Variants in JPH4 observed in about 807,000 individuals in gnomAD.
The protein encoded by JPH4 is junctophilin 4, also known as junctophilin-4.
A neutral mutation model predicts 57.6 loss-of-function variants in JPH4; 18 were observed. The ratio of observed to expected loss-of-function variants is 0.31; its 90% CI spans 0.22 to 0.46. The LOEUF is 0.46. Among genes scored for constraint, JPH4 ranks in the 20% least tolerant of loss-of-function variants. The pLI is 1.00. For synonymous variants in JPH4, 425 were observed against 406.6 expected (o/e 1.05, Z -0.54); for missense variants, 727 against 911.1 (o/e 0.80, Z 2.60).
Position 23,576,115 on chromosome 14 carries a change from G to T in JPH4, c.721C>A (p.Arg241=), listed in dbSNP as rs759340818. The T allele has an allele frequency of 2.4e-5, 31 of 1,301,110 alleles. No homozygotes were observed. The South Asian group carries it at 7.1e-4, about 30-fold the overall frequency. The allele number at this position is 1,301,110 out of a possible 1,614,324, so 80.6% of individuals were successfully genotyped here. ...GGRRSSLGSK[R]GSLRSEVSSE... is the part of the protein sequence containing the mutation. ...CTCACCTCGCTGCGCAGGGAGCCTC[G>T]CTTGCTGCCCAGGGAGCTGCGACGT... The change falls in exon 3 of 6, where the codon CGA becomes AGA. Residue 241 remains arginine (R), a synonymous_variant. Transcript: ENST00000356300. This position sits in a 1 kb window ranked among gnomAD's most constrained non-coding sequence, Gnocchi z 8.0.
At chr14:23,570,393 AC>A (rs1889089665) in intron 5 of JPH4, among the ~76,000 whole-genome samples, 1 of 121,282 alleles carries the variant, frequency 8.2e-6, no homozygotes, top group Non-Finnish European at 1.7e-5. Flanking sequence ...TTTTTTTGAG[AC>A]AGAGTCTCGC....
chr14:23,571,946 A>G lies in JPH4; in HGVS notation c.1152-26T>C, dbSNP rs1454673906. 8 of 1,600,766 alleles carry G rather than the reference A, an allele frequency of 5.0e-6. No homozygotes were observed. The highest frequency in any genetic ancestry group is 6.8e-6 in the Non-Finnish European group (8 of 1,173,366). On this transcript the variant is annotated intron_variant, in intron 3 of 5. Transcript: ENST00000356300. This position sits in a 1 kb window ranked among gnomAD's most constrained non-coding sequence, Gnocchi z 4.6. Reference sequence around the variant, plus strand: ...CTGTCGGGTCCAGAGACAGGGATTTAGCAGAACTTCCCCCACTTCAAGTTA... The same window carrying G: ...CTGTCGGGTCCAGAGACAGGGATTTGGCAGAACTTCCCCCACTTCAAGTTA...
Position 23,569,545 on chromosome 14 carries a change from C to T in JPH4, c.*89G>A. On this transcript the variant is annotated 3_prime_UTR_variant, in exon 6 of 6. Coordinates refer to ENST00000356300, the MANE Select transcript of JPH4 (RefSeq NM_001146028.2). The surrounding 1 kb of genome is among the most constrained non-coding windows in gnomAD (Gnocchi z 4.8). ...GAAGAGAAAGAAAGATAGGAGAAAA[C>T]ACAGCCAGGAAGAGGAGAAGAGAAA... 1.2e-6 allele frequency: 1 copy of T among 844,454 alleles called. No homozygotes were observed. Among genetic ancestry groups the T allele is most frequent in the Non-Finnish European group, 2.0e-6 (1 of 503,730 alleles). 52.3% of individuals were successfully genotyped at this position (844,454 alleles called of 1,614,324 possible).
At position 23,571,426 on chromosome 14, in the gene JPH4, G is replaced by A; in HGVS notation, c.1305C>T (p.Asp435=). 3 of 1,599,510 alleles carry A rather than the reference G, an allele frequency of 1.9e-6. No homozygotes were observed. The highest frequency in any genetic ancestry group is 1.7e-6 in the Non-Finnish European group (2 of 1,179,780). The change falls in exon 5 of 6, where the codon GAC becomes GAT. Residue 435 remains aspartate (D), a synonymous_variant. Transcript: ENST00000356300. This position sits in a 1 kb window ranked among gnomAD's most constrained non-coding sequence, Gnocchi z 4.6. ...RRPRQDSEGS[D]TEPLDEDSPG... ...GGCTGTCCTCATCCAGGGGCTCCGT[G>A]TCGGAACCTTCTGAGTCCTGCCTGG...
rs1889326268 is a variant in JPH4 at position 23,578,263 on chromosome 14, A to G, written c.-255T>C. 2 of 151,246 alleles carry G rather than the reference A, an allele frequency of 1.3e-5. No homozygotes were observed. Among genetic ancestry groups the G allele is most frequent in the African/African-American group, 2.4e-5 (1 of 40,878 alleles). 9.4% of individuals were successfully genotyped at this position (151,246 alleles called of 1,614,324 possible). A position where few individuals can be genotyped will look rare whatever the true frequency, so the allele number is the denominator to read the frequency against. On this transcript the variant is annotated 5_prime_UTR_variant, in exon 1 of 6. Transcript: ENST00000356300. ...ACTCCCACCTCGCCCGGACAAGCCA[A>G]GCCCCCTCCCCTTCCGGAGAGACTG...
chr14:23,574,201 G>A (rs373607943), intron 3 of JPH4, among the ~76,000 whole-genome samples: 6 of 147,124 alleles, frequency 4.1e-5, no homozygotes, highest in South Asian at 2.1e-4. Context: ...TTAGACTGGC[G>A]TTCACTTTTC....
intron 3 of JPH4, among the ~76,000 whole-genome samples, chr14:23,573,452 G>A (rs924047949): frequency 2.6e-5 from 4 of 152,218 alleles, no homozygotes; most frequent in Non-Finnish European, 4.4e-5. Context: ...CTGTTGAGCC[G>A]TGAGCGTGAG....
rs1595393805 is a variant in JPH4 at position 23,572,070 on chromosome 14, G to C, written c.1152-150C>G. 7 of 721,858 alleles carry C rather than the reference G, an allele frequency of 9.7e-6. No homozygotes were observed. The East Asian group carries it at 1.9e-4, about 20-fold the overall frequency. 44.7% of individuals were successfully genotyped at this position (721,858 alleles called of 1,614,324 possible). On this transcript the variant is annotated intron_variant, in intron 3 of 5. Transcript: ENST00000356300. The stretch of plus-strand genomic sequence containing the variant: ...CACCCTTCGCCACACTCTGCCAGCT[G>C]CTTCCCTTCCTGGCAGGCCAGGGCA...
chr14:23,572,269 A>G (rs536381976), intron 3 of JPH4, among the ~76,000 whole-genome samples: 7 of 151,992 alleles, frequency 4.6e-5, no homozygotes, highest in African/African-American at 1.7e-4. Flanking sequence ...CTTCCCAGTG[A>G]CAGTCGAGAC....
In JPH4 at chr14:23,577,762, C is replaced by T. The variant is rs570491390; in HGVS notation, c.-171-138G>A. ...TCCTTTGGCAGCATCTTCCAGCAGC[C>T]CCCAAGCTTTGGGGGAATGGGGGCT... is the stretch of plus-strand genomic sequence containing the variant. On this transcript the variant is annotated intron_variant, in intron 1 of 5. Transcript: ENST00000356300. The surrounding 1 kb of genome is among the most constrained non-coding windows in gnomAD (Gnocchi z 8.4). 187 of 273,106 alleles carry T rather than the reference C, an allele frequency of 6.8e-4. No homozygotes were observed. The highest frequency in any genetic ancestry group is 3.9e-3 in the African/African-American group (177 of 45,614). 16.9% of individuals were successfully genotyped at this position (273,106 alleles called of 1,614,324 possible).
Position 23,571,098 on chromosome 14 carries a change from CCT to C in JPH4, c.1631_1632del (p.Glu544GlyfsTer6). 1 of 1,614,038 alleles carries C rather than the reference CCT, an allele frequency of 6.2e-7. No homozygotes were observed. Among genetic ancestry groups the C allele is most frequent in the Non-Finnish European group, 8.5e-7 (1 of 1,179,938 alleles). ...AGGGGCTCTTCATCCTCCCCCTCCT[CCT>C]CTCGAAGACTTCCTGAACTGTCGCT... ...GCSDSSGSLREEEGEDEEPLP... is the reference protein window; with the variant it reads ...GCSDSSGSLRXEEGEDEEPLP... On this transcript the variant is annotated frameshift_variant, in exon 5 of 6. Transcript: ENST00000356300. LOFTEE classifies it high-confidence loss of function. This position sits in a 1 kb window ranked among gnomAD's most constrained non-coding sequence, Gnocchi z 4.6.
chr14:23,568,899 C>G lies in JPH4; in HGVS notation c.*735G>C. ...ATATTCTCTGTTCCTTTACACGTTG[C>G]TCTTGGCATGGCATGCCACCAGAGG... On this transcript the variant is annotated 3_prime_UTR_variant, in exon 6 of 6. Coordinates refer to ENST00000356300, the MANE Select transcript of JPH4 (RefSeq NM_001146028.2). 2 of 765,310 alleles carry G rather than the reference C, an allele frequency of 2.6e-6. No homozygotes were observed. The highest frequency in any genetic ancestry group is 3.2e-6 in the Non-Finnish European group (2 of 628,810). The allele number at this position is 765,310 out of a possible 1,614,324, so 47.4% of individuals were successfully genotyped here.
chr14:23,576,626 G>T lies in JPH4; in HGVS notation c.380-170C>A, dbSNP rs1364824220. ...AGCCGGGAACAGGCCAGGCTGGGCCGGAAAGTGTGGGAGAGCAGAGTGAAG... is the reference window on the plus strand; with the variant it reads ...AGCCGGGAACAGGCCAGGCTGGGCCTGAAAGTGTGGGAGAGCAGAGTGAAG... On this transcript the variant is annotated intron_variant, in intron 2 of 5. Coordinates refer to ENST00000356300, the MANE Select transcript of JPH4 (RefSeq NM_001146028.2). The surrounding 1 kb of genome is among the most constrained non-coding windows in gnomAD (Gnocchi z 8.0). Among the ~76,000 whole-genome samples the T allele has an allele frequency of 6.6e-6, 1 of 152,194 alleles. No individual in the cohort carries two copies. Among genetic ancestry groups the T allele is most frequent in the East Asian group, 1.9e-4 (1 of 5,176 alleles).
In JPH4 at chr14:23,577,576, G is replaced by T. The variant is rs889511824; in HGVS notation, c.-123C>A. 1 of 794,084 alleles carries T rather than the reference G, an allele frequency of 1.3e-6. No homozygotes were observed. The highest frequency in any genetic ancestry group is 3.4e-5 in the East Asian group (1 of 29,692). The allele number at this position is 794,084 out of a possible 1,614,324, so 49.2% of individuals were successfully genotyped here. A position where few individuals can be genotyped will look rare whatever the true frequency, so the allele number is the denominator to read the frequency against. ...GGGGGCAGTTAGACCGGGGCCGGGCGGGGGGGCCCCAGCGAGGGCAGGCAG... is the reference window on the plus strand; with the variant it reads ...GGGGGCAGTTAGACCGGGGCCGGGCTGGGGGGCCCCAGCGAGGGCAGGCAG... On this transcript the variant is annotated 5_prime_UTR_variant, in exon 2 of 6. Coordinates refer to ENST00000356300, the MANE Select transcript of JPH4 (RefSeq NM_001146028.2). This position sits in a 1 kb window ranked among gnomAD's most constrained non-coding sequence, Gnocchi z 8.4.
In JPH4 at chr14:23,569,564, AGAG is replaced by A; in HGVS notation, c.*67_*69del. Reference sequence around the variant, plus strand: ...AGAAAACACAGCCAGGAAGAGGAGAAGAGAAAAAAGGCAGGTCAAAGGGGTGAA... The same window carrying A: ...AGAAAACACAGCCAGGAAGAGGAGAAAAAAAAGGCAGGTCAAAGGGGTGAA... On this transcript the variant is annotated 3_prime_UTR_variant, in exon 6 of 6. Transcript: ENST00000356300. This position sits in a 1 kb window ranked among gnomAD's most constrained non-coding sequence, Gnocchi z 4.8. 1.0e-6 allele frequency: 1 copy of A among 968,538 alleles called. No individual in the cohort carries two copies. The allele number at this position is 968,538 out of a possible 1,614,324, so 60.0% of individuals were successfully genotyped here.
chr14:23,570,498 A>G (rs1289594028), intron 5 of JPH4, among the ~76,000 whole-genome samples: 1 of 151,598 alleles, frequency 6.6e-6, no homozygotes, highest in Non-Finnish European at 1.5e-5. Context: ...CAGCCTCCCA[A>G]GTAGCTGGGA....
Position 23,575,678 on chromosome 14 carries a change from C to T in JPH4, c.1151+7G>A, listed in dbSNP as rs754842101. 2 of 1,595,892 alleles carry T rather than the reference C, an allele frequency of 1.3e-6. No individual in the cohort carries two copies. The highest frequency in any genetic ancestry group is 8.5e-7 in the Non-Finnish European group (1 of 1,172,864). On this transcript the variant is annotated splice_region_variant and intron_variant, in intron 3 of 5. Transcript: ENST00000356300. The surrounding 1 kb of genome is among the most constrained non-coding windows in gnomAD (Gnocchi z 6.9). ...GCCCAGCTTTGGCCTCTGAACTGGA[C>T]GCCCACCTGGCAGCGGCGATCTCCT... is the stretch of plus-strand genomic sequence containing the variant.
Position 23,570,915 on chromosome 14 carries a change from C to T in JPH4, c.1803+13G>A. ...GGGAGAAGAGGGCACACAGCAGGGA[C>T]AGAGGATCTCACCGGCTGGGCAGGC... On this transcript the variant is annotated intron_variant, in intron 5 of 5. Coordinates refer to ENST00000356300, the MANE Select transcript of JPH4 (RefSeq NM_001146028.2). The T allele has an allele frequency of 6.6e-7, 1 of 1,505,238 alleles. No homozygotes were observed. The highest frequency in any genetic ancestry group is 8.9e-7 in the Non-Finnish European group (1 of 1,127,548). 93.2% of individuals were successfully genotyped at this position (1,505,238 alleles called of 1,614,324 possible).
rs1175012722 is a variant in JPH4, at chr14:23,576,433, C to A, written c.403G>T (p.Ala135Ser). 4.1e-6 allele frequency: 6 copies of A among 1,447,060 alleles called. No individual in the cohort carries two copies. The highest frequency in any genetic ancestry group is 1.4e-5 in the South Asian group (1 of 70,826). The allele number at this position is 1,447,060 out of a possible 1,614,324, so 89.6% of individuals were successfully genotyped here. The change falls in exon 3 of 6, where the codon GCC (alanine) becomes TCC (serine). Residue 135 changes from alanine to serine, a missense_variant. Physicochemically the swap from Ala to Ser is moderately conservative, Grantham distance 99 (BLOSUM62 1). Coordinates refer to ENST00000356300, the MANE Select transcript of JPH4 (RefSeq NM_001146028.2). This position sits in a 1 kb window ranked among gnomAD's most constrained non-coding sequence, Gnocchi z 8.0. The stretch of plus-strand genomic sequence containing the variant: ...ACCCCGTAGCCGTGGCGCTTCCCGG[C>A]CTGCCACTGGCCCTGGTAGGTGCCT... Reference protein sequence around the residue: ...DGGTYQGQWQAGKRHGYGVRQ... With the variant: ...DGGTYQGQWQSGKRHGYGVRQ...
Sources: allele counts gnomAD v4.1 joint callset (sites outside exome capture counted in the v4.1 genomes callset), GRCh38; gene constraint gnomAD v4.1.1; non-coding constraint Gnocchi (gnomAD v3.1); transcripts MANE v1.5; gene names NCBI Gene and HGNC (gene_info 2026-07-23, HGNC 2026-07-21).